Variants in FOXN3 observed in about 807,000 individuals in gnomAD.
FOXN3 encodes forkhead box protein N3.
In FOXN3, 7 loss-of-function variants were observed where a neutral mutation model predicts 38.4. The observed-to-expected ratio is 0.18, with a 90% CI of 0.10 to 0.34. The LOEUF (loss-of-function observed/expected upper bound fraction) is 0.34, where lower values mean the gene tolerates loss of function less well. Ranked by LOEUF, FOXN3 falls within the 10% of genes least tolerant of loss-of-function variation. The pLI, the probability that FOXN3 is intolerant of heterozygous loss-of-function variation, is 1.00. For missense variants in FOXN3, 456 were observed against 613.4 expected, an observed-to-expected ratio of 0.74 and a Z score of 2.71; for synonymous variants, 230 against 242.2, an observed-to-expected ratio of 0.95 and a Z score of 0.47.
At chr14:89,528,376 CTTTTTTTTTTTTTT>C (rs55935162) in intron 1 of FOXN3, among the ~76,000 whole-genome samples, 4,648 of 53,828 alleles carry the variant, frequency 0.086, 367 homozygotes, top group African/African-American at 0.26. Context: ...ATGGATGAAT[CTTTTTTTTTTTTTT>C]TTTTTTTTTT....
intron 1 of FOXN3, among the ~76,000 whole-genome samples, chr14:89,542,169 T>C (rs1010094008): frequency 6.6e-6 from 1 of 152,206 alleles, no homozygotes; most frequent in African/African-American, 2.4e-5. Flanking sequence ...TATGGGGAGA[T>C]GTGCTCTGCT....
chr14:89,452,986 G>A (rs746982990), intron 1 of FOXN3, among the ~76,000 whole-genome samples: 4 of 151,948 alleles, frequency 2.6e-5, no homozygotes, highest in African/African-American at 4.8e-5. Context: ...ATCATCTGAG[G>A]TCAGGAGTTC....
At chr14:89,480,360 G>A (rs1031952818) in intron 1 of FOXN3, among the ~76,000 whole-genome samples, 3 of 151,626 alleles carry the variant, frequency 2.0e-5, no homozygotes, top group Admixed American at 1.3e-4. Context: ...CCGAGACCGT[G>A]CCATTTCACT....
chr14:89,400,644 AT>A (rs1223170388), intron 2 of FOXN3, among the ~76,000 whole-genome samples: 1 of 152,096 alleles, frequency 6.6e-6, no homozygotes, highest in Admixed American at 6.5e-5. Flanking sequence ...TCCTTTAGAC[AT>A]AACATTCTCC....
At chr14:89,578,739 G>A (rs184808459) in intron 1 of FOXN3, among the ~76,000 whole-genome samples, 147 of 151,884 alleles carry the variant, frequency 9.7e-4, no homozygotes, top group African/African-American at 3.2e-3. Flanking sequence ...TTTTTTTGCC[G>A]TTCCACTTCC....
chr14:89,386,098 C>T (rs1050208610), intron 2 of FOXN3, among the ~76,000 whole-genome samples: 6 of 152,188 alleles, frequency 3.9e-5, no homozygotes, highest in East Asian at 1.9e-4. Flanking sequence ...CAAATGCCTT[C>T]GCTGACAGCA....
At chr14:89,299,611 G>A (rs1410751729) in intron 3 of FOXN3, among the ~76,000 whole-genome samples, 1 of 152,176 alleles carries the variant, frequency 6.6e-6, no homozygotes, top group Non-Finnish European at 1.5e-5. Context: ...TTGCCTCAGA[G>A]ATGGAGATGA....
intron 1 of FOXN3, among the ~76,000 whole-genome samples, chr14:89,533,288 G>A (rs930049887): frequency 6.6e-5 from 10 of 152,170 alleles, no homozygotes; most frequent in African/African-American, 2.2e-4. Flanking sequence ...AATGCCAGCT[G>A]ATGACACTCA....
intron 4 of FOXN3, among the ~76,000 whole-genome samples, chr14:89,186,094 A>T (rs1887799549): frequency 6.6e-6 from 1 of 152,188 alleles, no homozygotes; most frequent in South Asian, 2.1e-4. Context: ...TAACTCTCTC[A>T]GAGGCCATAA....
chr14:89,222,460 G>A (rs1359398301), intron 4 of FOXN3, among the ~76,000 whole-genome samples: 1 of 152,318 alleles, frequency 6.6e-6, no homozygotes, highest in East Asian at 1.9e-4. Flanking sequence ...GGCAGGGGAC[G>A]TAGACTAATA....
intron 1 of FOXN3, among the ~76,000 whole-genome samples, chr14:89,464,980 G>A (rs1472997513): frequency 6.6e-6 from 1 of 152,156 alleles, no homozygotes; most frequent in Non-Finnish European, 1.5e-5. Context: ...GCAGGCGTGA[G>A]CCACCGCACC....
intron 4 of FOXN3, among the ~76,000 whole-genome samples, chr14:89,213,591 T>C (rs1259375687): frequency 1.3e-5 from 2 of 152,230 alleles, no homozygotes; most frequent in African/African-American, 4.8e-5. Flanking sequence ...TCATTATAAG[T>C]CACCTCTCTG....
At chr14:89,502,140 C>A (rs537759600) in intron 1 of FOXN3, among the ~76,000 whole-genome samples, 1 of 152,016 alleles carries the variant, frequency 6.6e-6, no homozygotes, top group Admixed American at 6.6e-5. Flanking sequence ...CCAGCCTGGG[C>A]GACAAAGCAA....
chr14:89,240,442 A>G (rs1234505793), intron 4 of FOXN3, among the ~76,000 whole-genome samples: 1 of 152,246 alleles, frequency 6.6e-6, no homozygotes, highest in Admixed American at 6.5e-5. Flanking sequence ...TCACTGCAAC[A>G]CTGTTTGTAT....
At chr14:89,403,480 G>C (rs1488732354) in intron 2 of FOXN3, among the ~76,000 whole-genome samples, 1 of 152,142 alleles carries the variant, frequency 6.6e-6, no homozygotes, top group African/African-American at 2.4e-5. Flanking sequence ...GATTACAGGC[G>C]TGAGCCACCA....
At chr14:89,167,374 A>G (rs533055140) in intron 5 of FOXN3, among the ~76,000 whole-genome samples, 2 of 152,332 alleles carry the variant, frequency 1.3e-5, no homozygotes, top group South Asian at 4.1e-4. Flanking sequence ...TCTGCCTCTT[A>G]CCTGGTGCAC....
chr14:89,221,661 A>C (rs1173539605), intron 4 of FOXN3, among the ~76,000 whole-genome samples: 2 of 152,202 alleles, frequency 1.3e-5, no homozygotes, highest in Non-Finnish European at 2.9e-5. Context: ...TGTTTGTCTT[A>C]TGCAGCAAGA....
At chr14:89,403,201 T>TA (rs112660361) in intron 2 of FOXN3, among the ~76,000 whole-genome samples, 3 of 152,142 alleles carry the variant, frequency 2.0e-5, no homozygotes, top group African/African-American at 7.2e-5. Context: ...TTTTTTTTTT[T>TA]AATTTTTTGT....
At chr14:89,314,743 G>A (rs1887671110) in intron 3 of FOXN3, among the ~76,000 whole-genome samples, 1 of 152,110 alleles carries the variant, frequency 6.6e-6, no homozygotes, top group Admixed American at 6.5e-5. Flanking sequence ...CTCTGCTTGT[G>A]TTTCCCTACT....
Sources: gnomAD v4.1 joint callset for allele counts (sites outside exome capture counted in the v4.1 genomes callset) on GRCh38, gnomAD v4.1.1 for gene constraint, MANE v1.5 for transcripts, NCBI Gene and HGNC (gene_info 2026-07-23, HGNC 2026-07-21) for gene names.